CDH13: variants seen among roughly 807,000 people sequenced by gnomAD.
The protein encoded by CDH13 is cadherin-13.
In CDH13, 24 loss-of-function variants were observed where a neutral mutation model predicts 63.8. The ratio of observed to expected loss-of-function variants is 0.38; its 90% CI spans 0.27 to 0.53. The LOEUF (loss-of-function observed/expected upper bound fraction) is 0.53. Ranked by LOEUF, CDH13 falls within the 20% of genes least tolerant of loss-of-function variation. The pLI is 0.85. For synonymous variants in CDH13, 503 were observed against 355.3 expected (o/e 1.42, Z -4.67); for missense variants, 1,049 against 903.1 (o/e 1.16, Z -2.07).
chr16:83,364,439 C>G (rs1462707275), intron 6 of CDH13, among the ~76,000 whole-genome samples: 1 of 152,170 alleles, frequency 6.6e-6, no homozygotes, highest in African/African-American at 2.4e-5. Context: ...TAAAGGAGTT[C>G]TCATTTACAG....
chr16:82,751,921 C>G (rs2034433950), intron 1 of CDH13, among the ~76,000 whole-genome samples: 1 of 152,102 alleles, frequency 6.6e-6, no homozygotes, highest in Non-Finnish European at 1.5e-5. Context: ...TAGGCCAGCC[C>G]CATACTTAAC....
chr16:82,924,172 A>G (rs974907629), intron 2 of CDH13, among the ~76,000 whole-genome samples: 1 of 152,170 alleles, frequency 6.6e-6, no homozygotes, highest in Non-Finnish European at 1.5e-5. Context: ...CTTTTCTGTA[A>G]GAAGGTGGTA....
In CDH13 at chr16:83,602,646, C is replaced by G; in HGVS notation, c.1101+52C>G. The stretch of plus-strand genomic sequence containing the variant: ...ACCACTGTGGTCACAGCTACAATTA[C>G]TGATTGATGTTAATTCACGTACCAC... On this transcript the variant is annotated intron_variant, in intron 8 of 13. Transcript: ENST00000567109. 2.5e-6 allele frequency: 4 copies of G among 1,589,192 alleles called. No homozygotes were observed. In the Admixed American group the frequency reaches 6.7e-5, roughly 26 times the overall value.
chr16:83,122,557 A>G (rs1366307727), intron 3 of CDH13, among the ~76,000 whole-genome samples: 2 of 152,188 alleles, frequency 1.3e-5, no homozygotes, highest in Non-Finnish European at 2.9e-5. Context: ...TCCCTTGACA[A>G]TACACTGAAT....
intron 6 of CDH13, among the ~76,000 whole-genome samples, chr16:83,395,127 G>A (rs928846573): frequency 2.9e-4 from 39 of 133,122 alleles, no homozygotes; most frequent in Middle Eastern, 4.6e-3. Context: ...CAGCCTGGAC[G>A]ACAGAGCGAG....
intron 2 of CDH13, among the ~76,000 whole-genome samples, chr16:82,949,084 G>C (rs1439897045): frequency 6.6e-6 from 1 of 152,166 alleles, no homozygotes; most frequent in Non-Finnish European, 1.5e-5. Flanking sequence ...TGAATGAGGG[G>C]ATGTATTAGT....
At chr16:82,682,597 C>G (rs924052647) in intron 1 of CDH13, among the ~76,000 whole-genome samples, 7 of 152,186 alleles carry the variant, frequency 4.6e-5, no homozygotes, top group Non-Finnish European at 8.8e-5. Flanking sequence ...AGTGAAATAT[C>G]TACACTATGT....
At chr16:82,997,927 A>G (rs534838093) in intron 2 of CDH13, among the ~76,000 whole-genome samples, 2 of 152,354 alleles carry the variant, frequency 1.3e-5, no homozygotes, top group South Asian at 4.1e-4. Context: ...AAGAATGTGC[A>G]TTTATTAAGT....
intron 2 of CDH13, among the ~76,000 whole-genome samples, chr16:83,018,616 T>C (rs1001616548): frequency 5.9e-5 from 9 of 152,230 alleles, no homozygotes; most frequent in African/African-American, 2.2e-4. Flanking sequence ...AGTATGGTCA[T>C]GCATTGTTTA....
chr16:82,938,763 T>A (rs1043686501), intron 2 of CDH13, among the ~76,000 whole-genome samples: 3 of 152,218 alleles, frequency 2.0e-5, no homozygotes, highest in Admixed American at 2.0e-4. Flanking sequence ...TAAGCTATGG[T>A]AGGCAACTAA....
At chr16:82,775,683 T>C (rs557374818) in intron 1 of CDH13, among the ~76,000 whole-genome samples, 58 of 152,210 alleles carry the variant, frequency 3.8e-4, no homozygotes, top group African/African-American at 1.4e-3. Flanking sequence ...ACCCAGGCAT[T>C]TTGTCTTCTC....
At chr16:83,444,978 G>T (rs948286074) in intron 6 of CDH13, among the ~76,000 whole-genome samples, 6 of 152,150 alleles carry the variant, frequency 3.9e-5, no homozygotes, top group African/African-American at 9.7e-5. Context: ...GGATGGCATT[G>T]TTTATCCATA....
chr16:83,248,176 C>G (rs1235614255), intron 5 of CDH13, among the ~76,000 whole-genome samples: 1 of 152,012 alleles, frequency 6.6e-6, no homozygotes, highest in Non-Finnish European at 1.5e-5. Context: ...AATGTTCCCA[C>G]CAGCTGGGAC....
intron 4 of CDH13, among the ~76,000 whole-genome samples, chr16:83,176,294 G>C: frequency 6.6e-6 from 1 of 151,946 alleles, no homozygotes; most frequent in South Asian, 2.1e-4. Flanking sequence ...GGCAGACCAC[G>C]AGGTCAGGAG....
intron 13 of CDH13, among the ~76,000 whole-genome samples, chr16:83,787,460 TG>T (rs1342596901): frequency 2.0e-5 from 3 of 152,242 alleles, no homozygotes; most frequent in African/African-American, 7.2e-5. Context: ...CTCCTCCTGC[TG>T]GAGGATCCTG....
chr16:83,122,412 A>G (rs2035622755), intron 3 of CDH13, among the ~76,000 whole-genome samples: 1 of 152,240 alleles, frequency 6.6e-6, no homozygotes, highest in African/African-American at 2.4e-5. Context: ...CATTTTGAAC[A>G]CATTTAATTA....
At chr16:82,663,841 G>T (rs185171099) in intron 1 of CDH13, among the ~76,000 whole-genome samples, 1 of 152,276 alleles carries the variant, frequency 6.6e-6, no homozygotes, top group Non-Finnish European at 1.5e-5. Flanking sequence ...CTCTCTGCTA[G>T]CTTACATACT....
At chr16:83,580,195 A>G (rs1905431852) in intron 7 of CDH13, among the ~76,000 whole-genome samples, 1 of 152,102 alleles carries the variant, frequency 6.6e-6, no homozygotes, top group African/African-American at 2.4e-5. Context: ...AGTGTAGCAG[A>G]GTGATTGGCA....
At chr16:82,918,450 G>A (rs1414057120) in intron 2 of CDH13, among the ~76,000 whole-genome samples, 4 of 151,592 alleles carry the variant, frequency 2.6e-5, no homozygotes, top group African/African-American at 9.7e-5. Flanking sequence ...TATTTCTGTG[G>A]AATAAGTTCC....
Sources: allele counts gnomAD v4.1 joint callset (sites outside exome capture counted in the v4.1 genomes callset), GRCh38; gene constraint gnomAD v4.1.1; transcripts MANE v1.5; gene names NCBI Gene and HGNC (gene_info 2026-07-23, HGNC 2026-07-21).